The following NAALADL2 variants were observed in gnomAD, a reference collection of about 807,000 sequenced individuals.
The protein encoded by NAALADL2 is N-acetylated alpha-linked acidic dipeptidase like 2.
A neutral mutation model predicts 87.2 loss-of-function variants in NAALADL2; 76 were observed. The ratio of observed to expected loss-of-function variants is 0.87; its 90% CI spans 0.72 to 1.05. The LOEUF (loss-of-function observed/expected upper bound fraction) is 1.05. Ranked by LOEUF, NAALADL2 falls within the 50% of genes least tolerant of loss-of-function variation. The pLI is 0.00. For synonymous variants in NAALADL2, 354 were observed against 331.0 expected (o/e 1.07, Z -0.75); for missense variants, 1,089 against 945.8 (o/e 1.15, Z -1.99).
chr3:174,920,676 T>C (rs1478797064), intron 1 of NAALADL2, among the ~76,000 whole-genome samples: 1 of 152,212 alleles, frequency 6.6e-6, no homozygotes, highest in Admixed American at 6.5e-5. Context: ...TAATTTCTTT[T>C]ATGAACTTTT....
intron 3 of NAALADL2, among the ~76,000 whole-genome samples, chr3:174,801,142 G>A (rs936556362): frequency 6.6e-6 from 1 of 152,174 alleles, no homozygotes; most frequent in Non-Finnish European, 1.5e-5. Flanking sequence ...GGTTTTGAAT[G>A]CGAGGACATG....
intron 5 of NAALADL2, among the ~76,000 whole-genome samples, chr3:175,369,296 A>G (rs1398668483): frequency 6.6e-6 from 1 of 151,732 alleles, no homozygotes; most frequent in African/African-American, 2.4e-5. Flanking sequence ...TGATATGTGC[A>G]TGTGTAATTA....
intron 2 of NAALADL2, among the ~76,000 whole-genome samples, chr3:174,557,401 AG>A (rs1712970388): frequency 6.6e-6 from 1 of 152,086 alleles, no homozygotes; most frequent in Admixed American, 6.6e-5. Context: ...TTAATATCTC[AG>A]GGGTCTGTTA....
At chr3:174,443,283 A>G (rs1227965442) in intron 1 of NAALADL2, among the ~76,000 whole-genome samples, 2 of 152,180 alleles carry the variant, frequency 1.3e-5, no homozygotes, top group Admixed American at 6.5e-5. Flanking sequence ...TTAGACCCGG[A>G]TGATAGCAGT....
At position 175,132,652 on chromosome 3, in the gene NAALADL2, C is replaced by T. The variant is rs1335449239; in HGVS notation, c.545+35361C>T. Among the ~76,000 whole-genome samples, 560 of 104,538 alleles carry T rather than the reference C, an allele frequency of 5.4e-3. 15 individuals carry two copies. Among genetic ancestry groups the T allele is most frequent in the Non-Finnish European group, 7.5e-3 (390 of 51,888 alleles). 68.6% of individuals were successfully genotyped at this position (104,538 alleles called of 152,430 possible). A position where few individuals can be genotyped will look rare whatever the true frequency, so the allele number is the denominator to read the frequency against. ...CTCCCGGACGGGGTGGCTGGCCGGG[C>T]GGGGGGCTGACCCCTCCACCTCCCT... On this transcript the variant is annotated intron_variant, in intron 2 of 13. Coordinates refer to ENST00000454872, the MANE Select transcript of NAALADL2 (RefSeq NM_207015.3).
intron 2 of NAALADL2, among the ~76,000 whole-genome samples, chr3:174,687,883 A>G (rs1000562848): frequency 2.0e-5 from 3 of 151,982 alleles, no homozygotes; most frequent in Non-Finnish European, 4.4e-5. Flanking sequence ...TCCCCTGCAC[A>G]AGCTCTCTTG....
At chr3:174,759,020 T>C (rs188736796) in intron 3 of NAALADL2, among the ~76,000 whole-genome samples, 1 of 152,336 alleles carries the variant, frequency 6.6e-6, no homozygotes, top group East Asian at 1.9e-4. Context: ...TTCTATCTAG[T>C]TAAGATTGAA....
At chr3:175,162,833 C>T (rs1351914100) in intron 2 of NAALADL2, among the ~76,000 whole-genome samples, 1 of 151,870 alleles carries the variant, frequency 6.6e-6, no homozygotes, top group African/African-American at 2.4e-5. Flanking sequence ...ACTGAGATAC[C>T]TGTGTATTAT....
chr3:175,727,773 G>T (rs1414262624), intron 11 of NAALADL2, among the ~76,000 whole-genome samples: 1 of 152,176 alleles, frequency 6.6e-6, no homozygotes, highest in Non-Finnish European at 1.5e-5. Flanking sequence ...AGCAGTGGAA[G>T]CAAGGCCTTT....
At chr3:174,843,578 A>G (rs917942936) in intron 3 of NAALADL2, among the ~76,000 whole-genome samples, 1 of 152,166 alleles carries the variant, frequency 6.6e-6, no homozygotes, top group Non-Finnish European at 1.5e-5. Flanking sequence ...GCAAGAACAT[A>G]TGGTAATTCT....
chr3:175,379,171 T>A (rs755867843), intron 5 of NAALADL2, among the ~76,000 whole-genome samples: 21 of 149,008 alleles, frequency 1.4e-4, no homozygotes, highest in Non-Finnish European at 3.0e-4. Context: ...GCAAGTTACT[T>A]AACCTGTTTC....
At chr3:175,390,875 G>A (rs1212817482) in intron 5 of NAALADL2, among the ~76,000 whole-genome samples, 2 of 152,036 alleles carry the variant, frequency 1.3e-5, no homozygotes, top group African/African-American at 2.4e-5. Flanking sequence ...GTGGTATATT[G>A]TGGTACACTT....
intron 13 of NAALADL2, among the ~76,000 whole-genome samples, chr3:175,788,913 T>A (rs1053883563): frequency 3.3e-5 from 5 of 152,160 alleles, no homozygotes; most frequent in African/African-American, 1.2e-4. Context: ...TTACAAATGA[T>A]CTCCAACATC....
Position 175,808,305 on chromosome 3 carries a change from A to G in NAALADL2, c.*5102A>G, listed in dbSNP as rs765190533. On this transcript the variant is annotated 3_prime_UTR_variant, in exon 14 of 14. Transcript: ENST00000454872. ...GTTTCAAGCAGCATTTAGGAAAATG[A>G]AGTGGCTTCAAATTTTAGTGTTTCT... The G allele has an allele frequency of 3.9e-5, 6 of 151,990 alleles. No individual in the cohort carries two copies. The highest frequency in any genetic ancestry group is 8.8e-5 in the Non-Finnish European group (6 of 67,948). 9.4% of individuals were successfully genotyped at this position (151,990 alleles called of 1,614,324 possible).
chr3:175,327,967 G>T lies in NAALADL2; in HGVS notation c.1090+3642G>T, dbSNP rs541635095. Among the ~76,000 whole-genome samples the T allele has an allele frequency of 3.9e-5, 6 of 152,304 alleles. No individual in the cohort carries two copies. The South Asian group carries it at 1.2e-3, about 32-fold the overall frequency. Reference sequence around the variant, plus strand: ...GAAAATTGATGGTCTAAATCAAAAGGATGGATTAGGAATCTTTGCGGAATT... The same window carrying T: ...GAAAATTGATGGTCTAAATCAAAAGTATGGATTAGGAATCTTTGCGGAATT... On this transcript the variant is annotated intron_variant, in intron 5 of 13. Coordinates refer to ENST00000454872, the MANE Select transcript of NAALADL2 (RefSeq NM_207015.3).
intron 13 of NAALADL2, among the ~76,000 whole-genome samples, chr3:175,766,283 C>T (rs1748668121): frequency 6.6e-6 from 1 of 152,068 alleles, no homozygotes; most frequent in African/African-American, 2.4e-5. Context: ...TCTGCTAAGT[C>T]TCATATACTA....
At chr3:174,786,531 A>G (rs894842763) in intron 3 of NAALADL2, among the ~76,000 whole-genome samples, 1 of 151,936 alleles carries the variant, frequency 6.6e-6, no homozygotes, top group Non-Finnish European at 1.5e-5. Context: ...TTTTGGGTAG[A>G]GAGGATGATA....
chr3:175,766,457 T>G (rs1748691624), intron 13 of NAALADL2, among the ~76,000 whole-genome samples: 1 of 152,084 alleles, frequency 6.6e-6, no homozygotes, highest in Non-Finnish European at 1.5e-5. Flanking sequence ...GATAAACTAG[T>G]GAATCTCTAA....
At chr3:174,441,328 C>G (rs1429829821) in intron 1 of NAALADL2, among the ~76,000 whole-genome samples, 1 of 152,196 alleles carries the variant, frequency 6.6e-6, no homozygotes, top group Non-Finnish European at 1.5e-5. Flanking sequence ...TCCCAACCCG[C>G]TCCAAGGCCC....
Sources: gnomAD v4.1 joint callset for allele counts (sites outside exome capture counted in the v4.1 genomes callset) on GRCh38, gnomAD v4.1.1 for gene constraint, MANE v1.5 for transcripts, NCBI Gene and HGNC (gene_info 2026-07-23, HGNC 2026-07-21) for gene names.